Variants in TRIM44 observed in about 807,000 individuals in gnomAD.
The protein encoded by TRIM44 is tripartite motif-containing protein 44.
TRIM44 carries 13 observed loss-of-function variants against 37.4 expected under a neutral mutation model. The observed-to-expected ratio is 0.35, with a 90% CI of 0.23 to 0.55. The LOEUF (loss-of-function observed/expected upper bound fraction) is 0.55. Ranked by LOEUF, TRIM44 falls within the 20% of genes least tolerant of loss-of-function variation. The probability of loss-of-function intolerance (pLI) is 0.89; values close to 1 mark genes in which losing one functional copy is unlikely to be tolerated. For synonymous variants in TRIM44, 175 were observed against 157.2 expected (o/e 1.11, Z -0.85); for missense variants, 426 against 437.2 (o/e 0.97, Z 0.23).
At chr11:35,717,329 T>C (rs945921755) in intron 2 of TRIM44, among the ~76,000 whole-genome samples, 1 of 151,988 alleles carries the variant, frequency 6.6e-6, no homozygotes, top group Non-Finnish European at 1.5e-5. Context: ...TTAAATAGAG[T>C]TGGTGACTAG....
chr11:35,757,308 C>A (rs564353118), intron 4 of TRIM44, among the ~76,000 whole-genome samples: 1 of 152,286 alleles, frequency 6.6e-6, no homozygotes, highest in African/African-American at 2.4e-5. Context: ...TTATAGTATT[C>A]TCTGATGGTA....
chr11:35,671,704 C>A (rs1311318271), intron 1 of TRIM44, among the ~76,000 whole-genome samples: 2 of 152,174 alleles, frequency 1.3e-5, no homozygotes, highest in Non-Finnish European at 2.9e-5. Context: ...GGGATGGAGA[C>A]AACCTGCTAG....
chr11:35,709,144 C>G (rs1276635908), intron 2 of TRIM44, among the ~76,000 whole-genome samples: 1 of 152,114 alleles, frequency 6.6e-6, no homozygotes, highest in Non-Finnish European at 1.5e-5. Flanking sequence ...GAAAGATTAG[C>G]AGATTTAATT....
intron 4 of TRIM44, among the ~76,000 whole-genome samples, chr11:35,740,749 T>C (rs919665443): frequency 6.6e-6 from 1 of 152,148 alleles, no homozygotes; most frequent in African/African-American, 2.4e-5. Flanking sequence ...CCTGTAAATA[T>C]TATCCTCACC....
intron 4 of TRIM44, among the ~76,000 whole-genome samples, chr11:35,764,752 A>G (rs1852771632): frequency 6.6e-6 from 1 of 152,160 alleles, no homozygotes; most frequent in African/African-American, 2.4e-5. Context: ...GTGGCCATCA[A>G]CCAGTATATG....
At chr11:35,799,775 T>C (rs898441553) in intron 4 of TRIM44, among the ~76,000 whole-genome samples, 35 of 152,292 alleles carry the variant, frequency 2.3e-4, no homozygotes, top group Middle Eastern at 3.4e-3. Context: ...TTAGCACAGT[T>C]TGTGGAACAT....
chr11:35,815,549 T>C lies in TRIM44; in HGVS notation c.*9164T>C. 1 of 152,150 alleles carries C rather than the reference T, an allele frequency of 6.6e-6. No homozygotes were observed. The highest frequency in any genetic ancestry group is 1.9e-4 in the East Asian group (1 of 5,194). The allele number at this position is 152,150 out of a possible 1,614,324, so 9.4% of individuals were successfully genotyped here. On this transcript the variant is annotated 3_prime_UTR_variant, in exon 5 of 5. Transcript: ENST00000299413. ...TGATAACAAGTAGGTTCTGATCTAT[T>C]TTCCCCAAATTAATATTTTCCCTGG... is the stretch of plus-strand genomic sequence containing the variant.
At chr11:35,778,950 G>A (rs969787197) in intron 4 of TRIM44, among the ~76,000 whole-genome samples, 14 of 152,182 alleles carry the variant, frequency 9.2e-5, no homozygotes, top group Admixed American at 6.5e-4. Context: ...CGCCGTTGTG[G>A]GAGAACCACT....
intron 1 of TRIM44, 61 bp downstream of exon 1, chr11:35,663,841 G>T (rs1328083141): frequency 1.3e-6 from 2 of 1,532,656 alleles, no homozygotes; most frequent in Admixed American, 2.1e-5. Flanking sequence ...TTCAACTCAG[G>T]TGGCCTGGCT....
At chr11:35,758,167 G>T (rs547172415) in intron 4 of TRIM44, among the ~76,000 whole-genome samples, 1 of 152,232 alleles carries the variant, frequency 6.6e-6, no homozygotes, top group South Asian at 2.1e-4. Context: ...GACTTGCTTT[G>T]TGAATCTGGG....
rs1240190664 is a variant in TRIM44, at chr11:35,678,105, A to G, written c.670-7154A>G. 3.3e-5 allele frequency among the ~76,000 whole-genome samples: 5 copies of G among 152,184 alleles called. No individual in the cohort carries two copies. In the South Asian group the frequency reaches 6.2e-4, roughly 19 times the overall value. On this transcript the variant is annotated intron_variant, in intron 1 of 4. Transcript: ENST00000299413. ...TGGTGGGGTAGGGGTTGACTAGTAGATGAGGTCAGATTACCAAGTAGGCTG... is the reference window on the plus strand; with the variant it reads ...TGGTGGGGTAGGGGTTGACTAGTAGGTGAGGTCAGATTACCAAGTAGGCTG...
chr11:35,742,762 G>A (rs1367033330), intron 4 of TRIM44, among the ~76,000 whole-genome samples: 4 of 118,722 alleles, frequency 3.4e-5, no homozygotes, highest in African/African-American at 1.4e-4. Context: ...TATATGTTAT[G>A]TATTATATAT....
At chr11:35,725,874 T>C in intron 2 of TRIM44, 50 bp from the exon 3 acceptor site, 2 of 1,597,124 alleles carry the variant, frequency 1.3e-6, no homozygotes, top group Non-Finnish European at 1.7e-6. Flanking sequence ...TCTGCCCTTT[T>C]GTTTCTTTGT....
chr11:35,808,434 T>C lies in TRIM44; in HGVS notation c.*2049T>C, dbSNP rs1853483870. ...AAAGATTTTAGGATTTGGAAGCTTG[T>C]ATTGTCTTTCCCCAATAATCATTGT... is the stretch of plus-strand genomic sequence containing the variant. On this transcript the variant is annotated 3_prime_UTR_variant, in exon 5 of 5. Transcript: ENST00000299413. 2 of 152,176 alleles carry C rather than the reference T, an allele frequency of 1.3e-5. No individual in the cohort carries two copies. Among genetic ancestry groups the C allele is most frequent in the Non-Finnish European group, 2.9e-5 (2 of 68,022 alleles). 9.4% of individuals were successfully genotyped at this position (152,176 alleles called of 1,614,324 possible). A position where few individuals can be genotyped will look rare whatever the true frequency, so the allele number is the denominator to read the frequency against.
chr11:35,720,937 T>G (rs569834322), intron 2 of TRIM44, among the ~76,000 whole-genome samples: 20 of 151,478 alleles, frequency 1.3e-4, no homozygotes, highest in African/African-American at 4.6e-4. Flanking sequence ...ACAGTCTTGC[T>G]CTGTCACCTA....
intron 1 of TRIM44, among the ~76,000 whole-genome samples, chr11:35,673,014 G>A (rs373610429): frequency 3.9e-5 from 6 of 152,146 alleles, no homozygotes; most frequent in African/African-American, 1.4e-4. Context: ...GCAGTTCTGG[G>A]ATTTCCAATC....
chr11:35,768,572 T>G (rs1463228934), intron 4 of TRIM44, among the ~76,000 whole-genome samples: 2 of 152,200 alleles, frequency 1.3e-5, no homozygotes, highest in Non-Finnish European at 2.9e-5. Context: ...TAGAAATGAA[T>G]TCTATGTGCC....
intron 2 of TRIM44, among the ~76,000 whole-genome samples, chr11:35,686,514 G>T (rs760058543): frequency 6.6e-6 from 1 of 151,820 alleles, no homozygotes; most frequent in Non-Finnish European, 1.5e-5. Context: ...CAGTTCAATG[G>T]CATTAAGTAC....
rs1258304292 is a variant in TRIM44 at position 35,817,652 on chromosome 11, T to C, written c.*11267T>C. The C allele has an allele frequency of 6.6e-6, 1 of 152,168 alleles. No homozygotes were observed. Among genetic ancestry groups the C allele is most frequent in the Non-Finnish European group, 1.5e-5 (1 of 68,046 alleles). 9.4% of individuals were successfully genotyped at this position (152,168 alleles called of 1,614,324 possible). ...TACTGCTCCAAATGTGCACAAGCCA[T>C]GTGATATGGTTTGCCTCTGTGTCCC... On this transcript the variant is annotated 3_prime_UTR_variant, in exon 5 of 5. Coordinates refer to ENST00000299413, the MANE Select transcript of TRIM44 (RefSeq NM_017583.6).
Sources: gnomAD v4.1 joint callset for allele counts (sites outside exome capture counted in the v4.1 genomes callset) on GRCh38, gnomAD v4.1.1 for gene constraint, MANE v1.5 for transcripts, NCBI Gene and HGNC (gene_info 2026-07-23, HGNC 2026-07-21) for gene names.